The following PACSIN2 variants were observed in gnomAD, a reference collection of about 807,000 sequenced individuals.
PACSIN2 encodes the protein protein kinase C and casein kinase substrate in neurons protein 2.
Under a neutral mutation model 63.8 loss-of-function variants are expected in PACSIN2, and 25 were observed. The ratio of observed to expected loss-of-function variants is 0.39; its 90% confidence interval spans 0.29 to 0.55. The LOEUF (loss-of-function observed/expected upper bound fraction) is 0.55. Ranked by LOEUF, PACSIN2 falls within the 20% of genes least tolerant of loss-of-function variation. The pLI, the probability that PACSIN2 is intolerant of heterozygous loss-of-function variation, is 0.62. For synonymous variants in PACSIN2, 255 were observed against 256.2 expected (o/e 1.00, Z 0.05); for missense variants, 518 against 646.9 (o/e 0.80, Z 2.16).
chr22:42,882,240 T>C lies in PACSIN2; in HGVS notation c.850A>G (p.Arg284Gly), dbSNP rs759909873. The C allele has an allele frequency of 2.5e-6, 4 of 1,613,948 alleles. No homozygotes were observed. The highest frequency in any genetic ancestry group is 3.4e-6 in the Non-Finnish European group (4 of 1,179,922). The change falls in exon 7 of 11, where the codon AGG becomes GGG. Residue 284 changes from arginine (R) to glycine (G), a missense_variant. Coordinates refer to ENST00000263246, the MANE Select transcript of PACSIN2 (RefSeq NM_001184970.3). ...GGCCCGTGATTGGCTCGGAACCACCTCAGGTCCTCCACTGCATCAGCTGCT... is the reference window on the plus strand; with the variant it reads ...GGCCCGTGATTGGCTCGGAACCACCCCAGGTCCTCCACTGCATCAGCTGCT... ...IRAADAVEDL[R>G]WFRANHGPGM...
intron 2 of PACSIN2, among the ~76,000 whole-genome samples, chr22:42,900,318 A>C (rs5759017): frequency 0.65 from 98,935 of 151,834 alleles, 34,035 homozygotes; most frequent in African/African-American, 0.87. Context: ...CTCCCGCCAA[A>C]AGGTGCCACA....
intron 1 of PACSIN2, among the ~76,000 whole-genome samples, chr22:42,983,508 A>AAAAAAAC (rs1922392558): frequency 2.6e-5 from 4 of 151,408 alleles, no homozygotes; most frequent in African/African-American, 9.7e-5. Context: ...AAAAAAAAAA[A>AAAAAAAC]CAGATATTGA....
chr22:42,894,470 T>C (rs1323670754), intron 2 of PACSIN2, among the ~76,000 whole-genome samples: 2 of 152,200 alleles, frequency 1.3e-5, no homozygotes, highest in African/African-American at 4.8e-5. Context: ...CTCAATCTCC[T>C]GACCTTGTGA....
chr22:42,931,348 T>C (rs996478994), intron 1 of PACSIN2, among the ~76,000 whole-genome samples: 3 of 152,208 alleles, frequency 2.0e-5, no homozygotes, highest in African/African-American at 7.2e-5. Flanking sequence ...CTCCTTGGGA[T>C]TGTTGGAGGA....
intron 9 of PACSIN2, 58 bp from the exon 10 acceptor site, chr22:42,876,391 C>T (rs1928632218): frequency 1.3e-6 from 2 of 1,482,892 alleles, no homozygotes; most frequent in African/African-American, 1.4e-5. Flanking sequence ...GGTGTGAGGC[C>T]CCCGCCCCGC....
chr22:42,922,278 T>C (rs1932244991), intron 1 of PACSIN2, among the ~76,000 whole-genome samples: 1 of 152,140 alleles, frequency 6.6e-6, no homozygotes, highest in African/African-American at 2.4e-5. Flanking sequence ...ATAACAGATA[T>C]CAGGTAAACA....
chr22:42,939,689 C>G (rs1933063110), intron 1 of PACSIN2, among the ~76,000 whole-genome samples: 1 of 152,172 alleles, frequency 6.6e-6, no homozygotes, highest in African/African-American at 2.4e-5. Flanking sequence ...GATTCTTGTG[C>G]CCGCTCTGGC....
intron 2 of PACSIN2, among the ~76,000 whole-genome samples, chr22:42,900,235 G>T (rs1409756379): frequency 6.6e-6 from 1 of 152,140 alleles, no homozygotes; most frequent in Non-Finnish European, 1.5e-5. Flanking sequence ...CCGTCCCCAT[G>T]CCCTTCGGGT....
chr22:42,993,554 G>C (rs1923193158), intron 1 of PACSIN2: 1 of 152,230 alleles, frequency 6.6e-6, no homozygotes. Context: ...ATTTTAAAAT[G>C]TAAAAGATAC....
intron 3 of PACSIN2, 52 bp downstream of exon 3, chr22:42,893,405 G>A (rs1930051707): frequency 5.1e-6 from 8 of 1,583,738 alleles, no homozygotes; most frequent in African/African-American, 1.3e-5. Context: ...CAGAGCCCCC[G>A]GCTGGGGTGT....
chr22:42,869,959 A>C lies in PACSIN2; in HGVS notation c.*1398T>G, dbSNP rs1927962214. ...TCCAAGCAAGACATCTGCTCACTGG[A>C]AACGGAGTGAATGCATAGCTGGTGA... On this transcript the variant is annotated 3_prime_UTR_variant, in exon 11 of 11. Transcript: ENST00000263246. 2 of 152,440 alleles carry C rather than the reference A, an allele frequency of 1.3e-5. No individual in the cohort carries two copies. The highest frequency in any genetic ancestry group is 1.3e-4 in the Admixed American group (2 of 15,284). 9.4% of individuals were successfully genotyped at this position (152,440 alleles called of 1,614,324 possible).
intron 1 of PACSIN2, among the ~76,000 whole-genome samples, chr22:42,988,582 G>A (rs1003825762): frequency 4.6e-5 from 7 of 152,158 alleles, no homozygotes; most frequent in Non-Finnish European, 7.3e-5. Context: ...CAGCAGCTCG[G>A]GAAGAAAATA....
intron 5 of PACSIN2, among the ~76,000 whole-genome samples, chr22:42,886,934 AG>A (rs1929530463): frequency 6.6e-6 from 1 of 152,218 alleles, no homozygotes; most frequent in Non-Finnish European, 1.5e-5. Flanking sequence ...CAAACATGAA[AG>A]GCCTCTTCCT....
At chr22:42,883,074 A>G (rs951470598) in intron 6 of PACSIN2, among the ~76,000 whole-genome samples, 1 of 152,184 alleles carries the variant, frequency 6.6e-6, no homozygotes, top group African/African-American at 2.4e-5. Context: ...TGAGGTCACT[A>G]GCAGGGGCCC....
intron 1 of PACSIN2, among the ~76,000 whole-genome samples, chr22:42,936,799 T>C (rs1932932683): frequency 6.7e-6 from 1 of 150,312 alleles, no homozygotes; most frequent in African/African-American, 2.5e-5. Flanking sequence ...CAATTCCAGC[T>C]ACTCAGGAGG....
At chr22:42,971,815 C>T (rs1464045378) in intron 1 of PACSIN2, among the ~76,000 whole-genome samples, 6 of 151,370 alleles carry the variant, frequency 4.0e-5, no homozygotes, top group African/African-American at 4.8e-5. Context: ...GGGCAGCCCC[C>T]GCCCGGCCAG....
intron 1 of PACSIN2, 60 bp from the exon 2 acceptor site, chr22:42,912,217 C>A: frequency 3.3e-6 from 2 of 604,868 alleles, no homozygotes; most frequent in South Asian, 4.5e-5. Flanking sequence ...AGAAACAAGT[C>A]ATCTCTATTT....
intron 1 of PACSIN2, among the ~76,000 whole-genome samples, chr22:42,914,942 C>T (rs1042161609): frequency 6.6e-6 from 1 of 152,156 alleles, no homozygotes; most frequent in Non-Finnish European, 1.5e-5. Context: ...CAGCTCACTG[C>T]AGCCTCGAAC....
chr22:42,958,883 T>A (rs573258813), intron 1 of PACSIN2, among the ~76,000 whole-genome samples: 1 of 152,322 alleles, frequency 6.6e-6, no homozygotes, highest in East Asian at 1.9e-4. Flanking sequence ...ATCAGGATTT[T>A]AAAAATCTAA....
Sources: gnomAD v4.1 joint callset for allele counts (sites outside exome capture counted in the v4.1 genomes callset) on GRCh38, gnomAD v4.1.1 for gene constraint, MANE v1.5 for transcripts, NCBI Gene and HGNC (gene_info 2026-07-23, HGNC 2026-07-21) for gene names.